Variants in AGBL1 observed in about 807,000 individuals in gnomAD.
AGBL1 encodes the protein AGBL carboxypeptidase 1, also known as cytosolic carboxypeptidase 4.
A neutral mutation model predicts 118.9 loss-of-function variants in AGBL1; 130 were observed. The ratio of observed to expected loss-of-function variants is 1.09; its 90% confidence interval spans 0.95 to 1.26. AGBL1 has a LOEUF of 1.26. AGBL1 is among the 50% of genes most tolerant of loss of function. The pLI, the probability that AGBL1 is intolerant of heterozygous loss-of-function variation, is 0.00. For synonymous variants in AGBL1, 555 were observed against 478.9 expected, an observed-to-expected ratio of 1.16 and a Z score of -2.08; for missense variants, 1,584 against 1,298.1, an observed-to-expected ratio of 1.22 and a Z score of -3.38.
chr15:86,093,726 G>A (rs1357845234), intron 1 of AGBL1, among the ~76,000 whole-genome samples: 1 of 152,120 alleles, frequency 6.6e-6, no homozygotes, highest in Non-Finnish European at 1.5e-5. Context: ...ACAGAAGGAA[G>A]CAGAGAAAGT....
At chr15:86,145,068 C>T (rs1431817505) in intron 3 of AGBL1, among the ~76,000 whole-genome samples, 1 of 152,194 alleles carries the variant, frequency 6.6e-6, no homozygotes, top group Non-Finnish European at 1.5e-5. Context: ...TGATCTCTGC[C>T]TCCATCTTCA....
At chr15:86,332,780 C>T (rs545093809) in intron 17 of AGBL1, among the ~76,000 whole-genome samples, 1 of 152,086 alleles carries the variant, frequency 6.6e-6, no homozygotes, top group East Asian at 1.9e-4. Context: ...AGAGTATACT[C>T]CAAGATCGAC....
chr15:86,729,317 A>T (rs1596413500), intron 22 of AGBL1, among the ~76,000 whole-genome samples: 1 of 152,274 alleles, frequency 6.6e-6, no homozygotes. Context: ...GGAGGCACAC[A>T]TGCAGGTTTG....
At chr15:86,344,679 G>T (rs1377410490) in intron 17 of AGBL1, among the ~76,000 whole-genome samples, 1 of 151,816 alleles carries the variant, frequency 6.6e-6, no homozygotes, top group African/African-American at 2.4e-5. Context: ...TAAAAGTAGT[G>T]ATAGTAATAA....
intron 22 of AGBL1, among the ~76,000 whole-genome samples, chr15:86,843,487 A>T (rs1218446909): frequency 1.3e-5 from 2 of 148,268 alleles, no homozygotes; most frequent in Non-Finnish European, 3.0e-5. Context: ...AGCATTTAAT[A>T]CTGGTAGGTT....
intron 22 of AGBL1, among the ~76,000 whole-genome samples, chr15:86,730,664 G>T (rs1171535244): frequency 6.6e-6 from 1 of 151,942 alleles, no homozygotes; most frequent in Non-Finnish European, 1.5e-5. Flanking sequence ...TTCTTCATTT[G>T]TCATCTGGCA....
chr15:86,788,578 G>T (rs2078447915), intron 22 of AGBL1, among the ~76,000 whole-genome samples: 1 of 152,122 alleles, frequency 6.6e-6, no homozygotes, highest in Non-Finnish European at 1.5e-5. Flanking sequence ...AGACCTCCTG[G>T]AGCATATATT....
At chr15:86,124,560 A>G (rs973600531) in intron 1 of AGBL1, among the ~76,000 whole-genome samples, 14 of 152,082 alleles carry the variant, frequency 9.2e-5, no homozygotes, top group Admixed American at 8.5e-4. Flanking sequence ...AAATATTTTA[A>G]AGATTTTTTC....
At position 86,127,059 on chromosome 15, in the gene AGBL1, C is replaced by G. The variant is rs1343628323; in HGVS notation, c.52-14945C>G. Among the ~76,000 whole-genome samples the G allele has an allele frequency of 3.1e-4, 47 of 152,166 alleles. 1 individual carries two copies. The highest frequency in any genetic ancestry group is 3.1e-3 in the Admixed American group (47 of 15,272). ...ACTATACAGACAGGATGGGTAATCTCTCTTCATAGAAACTTAAAGCTGTAG... is the reference window on the plus strand; with the variant it reads ...ACTATACAGACAGGATGGGTAATCTGTCTTCATAGAAACTTAAAGCTGTAG... On this transcript the variant is annotated intron_variant, in intron 1 of 22. Transcript: ENST00000614907.
intron 1 of AGBL1, chr15:86,140,052 C>T (rs184518503): frequency 1.6e-5 from 3 of 188,714 alleles, no homozygotes; most frequent in East Asian, 1.3e-4. Context: ...TGGGTGACAG[C>T]GCCCCTGGTG....
At chr15:86,780,701 G>C (rs1483141639) in intron 22 of AGBL1, among the ~76,000 whole-genome samples, 1 of 142,246 alleles carries the variant, frequency 7.0e-6, no homozygotes, top group Admixed American at 7.5e-5. Context: ...TCGCTCTGTC[G>C]CCCAGGCTGG....
chr15:86,305,664 A>T (rs1429685650), intron 17 of AGBL1, among the ~76,000 whole-genome samples: 1 of 152,202 alleles, frequency 6.6e-6, no homozygotes, highest in Non-Finnish European at 1.5e-5. Context: ...ACTACTCCTC[A>T]GACAATTACT....
At chr15:86,607,517 G>A (rs2084594503) in intron 21 of AGBL1, among the ~76,000 whole-genome samples, 1 of 152,166 alleles carries the variant, frequency 6.6e-6, no homozygotes, top group South Asian at 2.1e-4. Context: ...CAAAGTGGCT[G>A]TGGCATTTTG....
At chr15:86,087,372 A>G (rs1895731273) in intron 1 of AGBL1, among the ~76,000 whole-genome samples, 1 of 144,372 alleles carries the variant, frequency 6.9e-6, no homozygotes, top group Non-Finnish European at 1.5e-5. Flanking sequence ...TCTTTCACCC[A>G]GGCTGGAGTG....
At chr15:86,529,778 G>A (rs1371581497) in intron 19 of AGBL1, among the ~76,000 whole-genome samples, 1 of 151,954 alleles carries the variant, frequency 6.6e-6, no homozygotes, top group East Asian at 1.9e-4. Context: ...AACCCTGCAA[G>A]CCAGAAGAGA....
chr15:86,352,799 T>G (rs2080649502), intron 17 of AGBL1, among the ~76,000 whole-genome samples: 1 of 152,128 alleles, frequency 6.6e-6, no homozygotes, highest in Non-Finnish European at 1.5e-5. Context: ...TTTTCTTTAC[T>G]CTTTAGGCCC....
At chr15:86,480,374 AC>A (rs2082635392) in intron 18 of AGBL1, among the ~76,000 whole-genome samples, 1 of 152,074 alleles carries the variant, frequency 6.6e-6, no homozygotes, top group African/African-American at 2.4e-5. Context: ...TTTTCAAAGC[AC>A]TCAAAGTTCA....
intron 18 of AGBL1, among the ~76,000 whole-genome samples, chr15:86,474,385 C>A (rs560489268): frequency 6.6e-6 from 1 of 152,196 alleles, no homozygotes; most frequent in South Asian, 2.1e-4. Context: ...ACTAATACTG[C>A]GCTTTTCCAA....
At chr15:86,173,263 T>G (rs1195738363) in intron 5 of AGBL1, 1 of 152,224 alleles carries the variant, frequency 6.6e-6, no homozygotes, top group Non-Finnish European at 1.5e-5. Flanking sequence ...ATAGGCTTCA[T>G]CAGAAACCTT....
Sources: allele counts gnomAD v4.1 joint callset (sites outside exome capture counted in the v4.1 genomes callset), GRCh38; gene constraint gnomAD v4.1.1; transcripts MANE v1.5; gene names NCBI Gene and HGNC (gene_info 2026-07-23, HGNC 2026-07-21).